The following LRRC7 variants were observed in gnomAD, a reference collection of about 807,000 sequenced individuals.
LRRC7 encodes leucine-rich repeat-containing protein 7.
In LRRC7, 23 loss-of-function variants were observed where a neutral mutation model predicts 175.7. That is an observed-to-expected ratio of 0.13 (90% CI 0.09 to 0.19). The LOEUF is 0.19. Ranked by LOEUF, LRRC7 falls within the 10% of genes least tolerant of loss-of-function variation. LRRC7 has a pLI of 1.00. For missense variants in LRRC7, 1,354 were observed against 1,904.7 expected (o/e 0.71, Z 5.38); for synonymous variants, 685 against 680.9 (o/e 1.01, Z -0.09).
At chr1:69,859,704 A>G (rs12752925) in intron 7 of LRRC7, among the ~76,000 whole-genome samples, 55,503 of 151,766 alleles carry the variant, frequency 0.37, 12,468 homozygotes, top group East Asian at 0.55. Context: ...CTTTCTGTAA[A>G]GGTAATGCTT....
At chr1:69,777,708 A>C (rs997516352) in intron 3 of LRRC7, among the ~76,000 whole-genome samples, 1 of 152,184 alleles carries the variant, frequency 6.6e-6, no homozygotes, top group Non-Finnish European at 1.5e-5. Context: ...ACATCAAATC[A>C]ACAGCCAAGA....
At chr1:69,927,815 G>A (rs1647134861) in intron 7 of LRRC7, among the ~76,000 whole-genome samples, 1 of 152,044 alleles carries the variant, frequency 6.6e-6, no homozygotes, top group South Asian at 2.1e-4. Flanking sequence ...ACTCATCAAA[G>A]TCATACGCCG....
At chr1:70,034,913 CT>C in intron 18 of LRRC7, among the ~76,000 whole-genome samples, 1 of 152,274 alleles carries the variant, frequency 6.6e-6, no homozygotes, top group South Asian at 2.1e-4. Context: ...ATGTGCTTCT[CT>C]GCAATAACCA....
chr1:69,990,830 G>GTAA (rs1166068201), intron 10 of LRRC7, among the ~76,000 whole-genome samples: 25 of 152,194 alleles, frequency 1.6e-4, no homozygotes, highest in Admixed American at 1.2e-3. Flanking sequence ...AAATGTAATA[G>GTAA]ATTTAATTGA....
At chr1:69,816,838 A>T (rs1678657379) in intron 4 of LRRC7, among the ~76,000 whole-genome samples, 1 of 151,566 alleles carries the variant, frequency 6.6e-6, no homozygotes, top group Non-Finnish European at 1.5e-5. Flanking sequence ...CAACTATTCT[A>T]CTCTGTTTCT....
intron 4 of LRRC7, among the ~76,000 whole-genome samples, chr1:69,795,302 C>A (rs879459169): frequency 6.6e-6 from 1 of 151,744 alleles, no homozygotes; most frequent in Non-Finnish European, 1.5e-5. Flanking sequence ...ATTGCTTGAA[C>A]CTGGGAGGCG....
chr1:69,911,702 G>C (rs1646536244), intron 7 of LRRC7, among the ~76,000 whole-genome samples: 2 of 152,180 alleles, frequency 1.3e-5, no homozygotes, highest in African/African-American at 4.8e-5. Context: ...CTCTGATGCA[G>C]GGCAGGTTCT....
intron 4 of LRRC7, among the ~76,000 whole-genome samples, chr1:69,817,490 AG>A (rs1167462888): frequency 6.6e-6 from 1 of 152,066 alleles, no homozygotes; most frequent in Non-Finnish European, 1.5e-5. Context: ...ATGATCTCTA[AG>A]TCTGTGTTTG....
At position 70,018,776 on chromosome 1, in the gene LRRC7, T is replaced by C. The variant is rs753931153; in HGVS notation, c.1378T>C (p.Leu460=). ...EAHPETKQRV[L]TNYMFPQQPR... The stretch of plus-strand genomic sequence containing the variant: ...CCATCCAGAAACAAAGCAAAGAGTA[T>C]TGACTAACTACATGTTTCCCCAGCA... Residue 460 remains leucine (L), a synonymous_variant, in exon 15 of 27, where the codon TTG becomes CTG. Coordinates refer to ENST00000651989, the MANE Select transcript of LRRC7 (RefSeq NM_001370785.2). 2 of 1,612,872 alleles carry C rather than the reference T, an allele frequency of 1.2e-6. No individual in the cohort carries two copies. Among genetic ancestry groups the C allele is most frequent in the African/African-American group, 2.7e-5 (2 of 75,012 alleles).
At chr1:69,694,593 A>G (rs964774593) in intron 2 of LRRC7, among the ~76,000 whole-genome samples, 1 of 152,036 alleles carries the variant, frequency 6.6e-6, no homozygotes, top group African/African-American at 2.4e-5. Flanking sequence ...CTGACCTTCA[A>G]AGTTAGAAGT....
intron 1 of LRRC7, among the ~76,000 whole-genome samples, chr1:69,646,243 A>AT (rs1352007266): frequency 2.0e-5 from 3 of 152,014 alleles, no homozygotes; most frequent in East Asian, 3.9e-4. Context: ...TTACTTTATT[A>AT]TTTTTTCCAT....
At chr1:69,882,611 T>G (rs1405115701) in intron 7 of LRRC7, among the ~76,000 whole-genome samples, 1 of 134,272 alleles carries the variant, frequency 7.4e-6, no homozygotes. Context: ...GACATTTTTC[T>G]TTTTTTTTTT....
chr1:69,900,593 A>G (rs887446934), intron 7 of LRRC7, among the ~76,000 whole-genome samples: 3 of 152,338 alleles, frequency 2.0e-5, no homozygotes, highest in African/African-American at 4.8e-5. Context: ...GTGCCAAATC[A>G]TAATAAATAT....
intron 1 of LRRC7, among the ~76,000 whole-genome samples, chr1:69,625,444 C>T (rs1570018122): frequency 6.7e-6 from 1 of 149,382 alleles, no homozygotes; most frequent in East Asian, 2.0e-4. Context: ...TAATTATCTG[C>T]ACTCTATGTT....
intron 7 of LRRC7, among the ~76,000 whole-genome samples, chr1:69,928,333 A>C (rs1481081653): frequency 6.6e-6 from 1 of 152,196 alleles, no homozygotes; most frequent in African/African-American, 2.4e-5. Context: ...TGCTCTCTTC[A>C]AAGCTGTCAG....
chr1:70,006,960 G>A (rs1008442927), intron 11 of LRRC7, among the ~76,000 whole-genome samples: 5 of 152,188 alleles, frequency 3.3e-5, no homozygotes, highest in Non-Finnish European at 7.3e-5. Context: ...CTTGCTGGGT[G>A]TGCCACCTGC....
At chr1:69,668,229 G>C (rs1177873827) in intron 1 of LRRC7, among the ~76,000 whole-genome samples, 10 of 151,956 alleles carry the variant, frequency 6.6e-5, no homozygotes. Flanking sequence ...ATGTGCCACG[G>C]TGGTTTGCTG....
At chr1:70,054,207 C>G (rs1377872519) in intron 23 of LRRC7, among the ~76,000 whole-genome samples, 1 of 152,100 alleles carries the variant, frequency 6.6e-6, no homozygotes, top group Non-Finnish European at 1.5e-5. Context: ...AAATGTTTAC[C>G]ACCAGGAGAG....
intron 26 of LRRC7, among the ~76,000 whole-genome samples, chr1:70,108,253 T>C (rs1419228464): frequency 6.6e-6 from 1 of 152,064 alleles, no homozygotes; most frequent in Admixed American, 6.6e-5. Flanking sequence ...CTATGAAATA[T>C]ATAATACATC....
Sources: allele counts gnomAD v4.1 joint callset (sites outside exome capture counted in the v4.1 genomes callset), GRCh38; gene constraint gnomAD v4.1.1; transcripts MANE v1.5; gene names NCBI Gene and HGNC (gene_info 2026-07-23, HGNC 2026-07-21).